ZNF416: variants seen among roughly 807,000 people sequenced by gnomAD.
The protein encoded by ZNF416 is zinc finger protein 416.
A neutral mutation model predicts 10.9 loss-of-function variants in ZNF416; 5 were observed. That is an observed-to-expected ratio of 0.46 (90% CI 0.24 to 0.97). ZNF416 has a LOEUF of 0.97. ZNF416 is among the 50% of genes least tolerant of loss of function. The pLI, the probability that ZNF416 is intolerant of heterozygous loss-of-function variation, is 0.19. For synonymous variants in ZNF416, 267 were observed against 251.8 expected, an observed-to-expected ratio of 1.06 and a Z score of -0.57; for missense variants, 675 against 715.0, an observed-to-expected ratio of 0.94 and a Z score of 0.64.
At chr19:57,574,838 T>C (rs1361287466) in intron 3 of ZNF416, among the ~76,000 whole-genome samples, 1 of 152,178 alleles carries the variant, frequency 6.6e-6, no homozygotes, top group Non-Finnish European at 1.5e-5. Context: ...GGGCCCAAGA[T>C]AATGCAATTG....
rs73060436 is a variant in ZNF416, at chr19:57,572,099, C to T, written c.*20G>A. On this transcript the variant is annotated 3_prime_UTR_variant, in exon 4 of 4. Transcript: ENST00000196489. The surrounding 1 kb of genome is among the most constrained non-coding windows in gnomAD (Gnocchi z 4.5). ...TTCCCTGCAGGTCTAAGGCTTTTCT[C>T]AGGTTTGGAGTTTCAAGAGTTAAAC... 0.11 allele frequency: 183,333 copies of T among 1,597,366 alleles called. 11,215 individuals carry two copies. Among genetic ancestry groups the T allele is most frequent in the African/African-American group, 0.19 (14,339 of 74,602 alleles).
chr19:57,572,983 A>G lies in ZNF416; in HGVS notation c.921T>C (p.Phe307=), dbSNP rs1375201879. The part of the protein sequence containing the change: ...PYVCGQCGKS[F]SQRATLIKHH... ...GTTTAATGAGGGTGGCTCTTTGGCT[A>G]AATGATTTCCCACACTGACCACACA... The change falls in exon 4 of 4, where the codon TTT becomes TTC. Residue 307 remains phenylalanine, a synonymous_variant. Coordinates refer to ENST00000196489, the MANE Select transcript of ZNF416 (RefSeq NM_017879.3). This position sits in a 1 kb window ranked among gnomAD's most constrained non-coding sequence, Gnocchi z 4.5. 6.2e-7 allele frequency: 1 copy of G among 1,614,010 alleles called. No homozygotes were observed. The highest frequency in any genetic ancestry group is 1.3e-5 in the African/African-American group (1 of 74,898).
chr19:57,573,753 A>G (rs1978420199), intron 3 of ZNF416, 52 bp from the exon 4 acceptor site: 4 of 1,545,692 alleles, frequency 2.6e-6, no homozygotes, highest in Non-Finnish European at 3.5e-6. Flanking sequence ...ATGGGAGTGT[A>G]TTAGTCATTT....
intron 3 of ZNF416, 84 bp from the exon 4 acceptor site, chr19:57,573,785 T>C (rs1037445243): frequency 2.5e-5 from 37 of 1,503,668 alleles, no homozygotes; most frequent in Middle Eastern, 2.4e-4. Flanking sequence ...TTCTGAATAA[T>C]TGGTGTTCTG....
chr19:57,571,978 C>T lies in ZNF416; in HGVS notation c.*141G>A. 9.3e-7 allele frequency: 1 copy of T among 1,075,128 alleles called. No individual in the cohort carries two copies. The highest frequency in any genetic ancestry group is 1.6e-5 in the African/African-American group (1 of 63,194). The allele number at this position is 1,075,128 out of a possible 1,614,324, so 66.6% of individuals were successfully genotyped here. Reference sequence around the variant, plus strand: ...GCCTGGAACTAATGGGAGTCTGACCCATCGGGAGGTCTAGAAGTATGAGGT... The same window carrying T: ...GCCTGGAACTAATGGGAGTCTGACCTATCGGGAGGTCTAGAAGTATGAGGT... On this transcript the variant is annotated 3_prime_UTR_variant, in exon 4 of 4. Transcript: ENST00000196489.
In ZNF416 at chr19:57,578,845, C is replaced by T. The variant is rs1484227408; in HGVS notation, c.-141G>A. 3 of 853,188 alleles carry T rather than the reference C, an allele frequency of 3.5e-6. No homozygotes were observed. Among genetic ancestry groups the T allele is most frequent in the South Asian group, 6.3e-5 (2 of 31,602 alleles). The allele number at this position is 853,188 out of a possible 1,614,324, so 52.9% of individuals were successfully genotyped here. ...TCTGTGCCGGAGGCAGCGTTTCTAA[C>T]TCAGGCGGCGTGGGCCGAGGTAGAG... On this transcript the variant is annotated 5_prime_UTR_variant, in exon 1 of 4. Coordinates refer to ENST00000196489, the MANE Select transcript of ZNF416 (RefSeq NM_017879.3).
intron 2 of ZNF416, among the ~76,000 whole-genome samples, chr19:57,576,566 C>T (rs1978543889): frequency 6.6e-6 from 1 of 152,102 alleles, no homozygotes; most frequent in Admixed American, 6.5e-5. Flanking sequence ...TCCCTTTCTA[C>T]ATCCTCAGTC....
chr19:57,575,604 C>G lies in ZNF416; in HGVS notation c.202+200G>C, dbSNP rs770241167. Among the ~76,000 whole-genome samples the G allele has an allele frequency of 6.6e-6, 1 of 152,188 alleles. No individual in the cohort carries two copies. The highest frequency in any genetic ancestry group is 2.4e-5 in the African/African-American group (1 of 41,444). ...CATTAGGCTGACTCAAGACACCTAACAGCCAGACCCATCCCTGTGCATTTT... is the reference window on the plus strand; with the variant it reads ...CATTAGGCTGACTCAAGACACCTAAGAGCCAGACCCATCCCTGTGCATTTT... On this transcript the variant is annotated intron_variant, in intron 3 of 3. Transcript: ENST00000196489. This position sits in a 1 kb window ranked among gnomAD's most constrained non-coding sequence, Gnocchi z 4.4.
At position 57,572,048 on chromosome 19, in the gene ZNF416, A is replaced by AT; in HGVS notation, c.*70dup. 1 of 1,548,500 alleles carries AT rather than the reference A, an allele frequency of 6.5e-7. No individual in the cohort carries two copies. Among genetic ancestry groups the AT allele is most frequent in the South Asian group, 1.2e-5 (1 of 80,548 alleles). The stretch of plus-strand genomic sequence containing the variant: ...TCCTTCACAAAGGCTCTCTATAGCC[A>AT]TAACACTGAAGAAAGACATGGCACA... On this transcript the variant is annotated 3_prime_UTR_variant, in exon 4 of 4. Transcript: ENST00000196489. The surrounding 1 kb of genome is among the most constrained non-coding windows in gnomAD (Gnocchi z 4.5).
In ZNF416 at chr19:57,573,462, G is replaced by C. The variant is rs765573804; in HGVS notation, c.442C>G (p.Pro148Ala). ...GCCTTGTCCATGTCACTTTCCAAGGGTTTCTCTGCACTATGATGCTTCTGG... is the reference window on the plus strand; with the variant it reads ...GCCTTGTCCATGTCACTTTCCAAGGCTTTCTCTGCACTATGATGCTTCTGG... ...QDQKHHSAEKPLESDMDKASF... is the reference protein window; with the variant it reads ...QDQKHHSAEKALESDMDKASF... Residue 148 changes from proline to alanine, a missense_variant, in exon 4 of 4, where the codon CCC becomes GCC. Transcript: ENST00000196489. 30 of 1,614,222 alleles carry C rather than the reference G, an allele frequency of 1.9e-5. No individual in the cohort carries two copies. The highest frequency in any genetic ancestry group is 2.5e-5 in the Non-Finnish European group (29 of 1,180,042).
intron 2 of ZNF416, among the ~76,000 whole-genome samples, 160 bp from the exon 3 acceptor site, chr19:57,576,090 G>T (rs370416090): frequency 3.9e-5 from 6 of 151,998 alleles, no homozygotes; most frequent in African/African-American, 1.4e-4. Context: ...TCTCCTCATG[G>T]TCCCATCATC....
At chr19:57,574,796 C>T (rs1465376606) in intron 3 of ZNF416, among the ~76,000 whole-genome samples, 4 of 152,104 alleles carry the variant, frequency 2.6e-5, no homozygotes, top group African/African-American at 4.8e-5. Flanking sequence ...GCTGGTGGCA[C>T]GTGTATGCTG....
At chr19:57,578,462 C>T in intron 1 of ZNF416, 1 of 551,660 alleles carries the variant, frequency 1.8e-6, no homozygotes, top group Non-Finnish European at 3.1e-6. Flanking sequence ...GCTCAATCGT[C>T]CCAGCAAGAT....
intron 2 of ZNF416, among the ~76,000 whole-genome samples, chr19:57,577,307 C>T (rs1978575746): frequency 6.6e-6 from 1 of 152,124 alleles, no homozygotes; most frequent in African/African-American, 2.4e-5. Context: ...TAAAGATGGT[C>T]CATATCAAAA....
At chr19:57,578,335 A>C in intron 1 of ZNF416, 1 of 594,672 alleles carries the variant, frequency 1.7e-6, no homozygotes, top group Non-Finnish European at 3.0e-6. Context: ...GTAACTTTAG[A>C]AAAAATTTGA....
At position 57,578,818 on chromosome 19, in the gene ZNF416, G is replaced by A. The variant is rs1045944637; in HGVS notation, c.-114C>T. On this transcript the variant is annotated 5_prime_UTR_variant, in exon 1 of 4. Transcript: ENST00000196489. ...GCTGATGCGCAGCGGGGCGACCCCC[G>A]CTCTGTGCCGGAGGCAGCGTTTCTA... 1.1e-5 allele frequency: 12 copies of A among 1,107,384 alleles called. No homozygotes were observed. Among genetic ancestry groups the A allele is most frequent in the Non-Finnish European group, 1.2e-5 (10 of 829,418 alleles). The allele number at this position is 1,107,384 out of a possible 1,614,324, so 68.6% of individuals were successfully genotyped here.
rs1167270298 is a variant in ZNF416 at position 57,573,378 on chromosome 19, C to T, written c.526G>A (p.Val176Ile). The T allele has an allele frequency of 6.2e-7, 1 of 1,614,238 alleles. No homozygotes were observed. The highest frequency in any genetic ancestry group is 8.5e-7 in the Non-Finnish European group (1 of 1,180,042). Reference protein sequence around the residue: ...ESGMPFTSSEVGKDFLAPLGI... With the variant: ...ESGMPFTSSEIGKDFLAPLGI... ...AATGGGGCTAGGAAGTCCTTCCCAA[C>T]CTCACTGCTGGTGAAAGGCATTCCT... The change falls in exon 4 of 4, where the codon GTT becomes ATT. Residue 176 changes from valine (V) to isoleucine (I), a missense_variant. By Grantham distance (29) the Val-to-Ile change is conservative (BLOSUM62 3). Coordinates refer to ENST00000196489, the MANE Select transcript of ZNF416 (RefSeq NM_017879.3).
intron 2 of ZNF416, among the ~76,000 whole-genome samples, 183 bp downstream of exon 2, chr19:57,577,874 C>T (rs1203808286): frequency 6.6e-6 from 1 of 152,184 alleles, no homozygotes; most frequent in African/African-American, 2.4e-5. Flanking sequence ...TTTACTGGTT[C>T]CCAGCAATAG....
Position 57,573,517 on chromosome 19 carries a change from C to T in ZNF416, c.387G>A (p.Leu129=), listed in dbSNP as rs768600581. The T allele has an allele frequency of 1.9e-6, 3 of 1,614,108 alleles. No homozygotes were observed. In the African/African-American group the frequency reaches 4.0e-5, roughly 22 times the overall value. The change falls in exon 4 of 4, where the codon TTG becomes TTA. Residue 129 remains leucine (L), a synonymous_variant. Coordinates refer to ENST00000196489, the MANE Select transcript of ZNF416 (RefSeq NM_017879.3). ...LTDLPGQELY[L]TGACAVFHQD... Reference sequence around the variant, plus strand: ...GGTGAAAGACCGCACATGCCCCAGTCAAGTATAGTTCCTGCCCAGGCAAAT... The same window carrying T: ...GGTGAAAGACCGCACATGCCCCAGTTAAGTATAGTTCCTGCCCAGGCAAAT...
Sources: allele counts gnomAD v4.1 joint callset (sites outside exome capture counted in the v4.1 genomes callset), GRCh38; gene constraint gnomAD v4.1.1; non-coding constraint Gnocchi (gnomAD v3.1); transcripts MANE v1.5; gene names NCBI Gene and HGNC (gene_info 2026-07-23, HGNC 2026-07-21).